The following CROCC variants were observed in gnomAD, a reference collection of about 807,000 sequenced individuals.
The protein encoded by CROCC is rootletin.
A neutral mutation model predicts 245.2 loss-of-function variants in CROCC; 180 were observed. That is an observed-to-expected ratio of 0.73 (90% CI 0.65 to 0.83). The LOEUF (loss-of-function observed/expected upper bound fraction) is 0.83. CROCC is among the 40% of genes least tolerant of loss of function. The pLI is 0.00. For missense variants in CROCC, 2,688 were observed against 2,779.4 expected (o/e 0.97, Z 0.74); for synonymous variants, 1,205 against 1,241.6 (o/e 0.97, Z 0.62).
chr1:16,938,798 A>C, intron 11 of CROCC, 111 bp from the exon 12 acceptor site: 1 of 1,080,974 alleles, frequency 9.3e-7, no homozygotes, highest in Non-Finnish European at 1.4e-6. Flanking sequence ...TTCTTGTAAG[A>C]GGCAGCATTT....
In CROCC at chr1:16,953,290, C is replaced by T. The variant is rs767393430; in HGVS notation, c.3007-12C>T. 5 of 1,570,280 alleles carry T rather than the reference C, an allele frequency of 3.2e-6. No individual in the cohort carries two copies. Among genetic ancestry groups the T allele is most frequent in the Middle Eastern group, 2.3e-4 (1 of 4,384 alleles). ...CCTGGTGTGTCACAGGCATCCGGTCCTGGCCCCCTAGGAGGCAGCATGGCG... is the reference window on the plus strand; with the variant it reads ...CCTGGTGTGTCACAGGCATCCGGTCTTGGCCCCCTAGGAGGCAGCATGGCG... On this transcript the variant is annotated splice_polypyrimidine_tract_variant and intron_variant, in intron 20 of 36. Coordinates refer to ENST00000375541, the MANE Select transcript of CROCC (RefSeq NM_014675.5).
chr1:16,931,478 T>C (rs1321762255), intron 8 of CROCC, 81 bp downstream of exon 8: 32 of 1,344,762 alleles, frequency 2.4e-5, no homozygotes, highest in Admixed American at 6.9e-5. Flanking sequence ...TGAATTTCAG[T>C]TCAACTCAAC....
intron 20 of CROCC, 31 bp from the exon 21 acceptor site, chr1:16,953,271 G>A (rs1459540640): frequency 2.6e-6 from 4 of 1,549,902 alleles, no homozygotes; most frequent in East Asian, 2.4e-5. Context: ...CCCTCCTGGT[G>A]TGTCACAGGC....
At chr1:16,918,456 G>A (rs1365314791), upstream of CROCC, among the ~76,000 whole-genome samples, 12 of 152,228 alleles carry the variant, frequency 7.9e-5, no homozygotes, top group African/African-American at 2.9e-4. Context: ...TGGTGCCAGG[G>A]GCTGACATCC....
intron 13 of CROCC, among the ~76,000 whole-genome samples, chr1:16,942,625 G>A (rs1406743913): frequency 1.6e-4 from 24 of 152,266 alleles, no homozygotes; most frequent in Non-Finnish European, 1.2e-4. Flanking sequence ...GAACTCTGTT[G>A]TTGTAAGCTT....
chr1:16,930,210 G>GGGT lies in CROCC; in HGVS notation c.621+5_621+7dup. ...AGCTGGAGCAGCAGCGGCTGAGGGTGGGTGCCAGTGTGGGGCAGGGGCAGG... is the reference window on the plus strand; with the variant it reads ...AGCTGGAGCAGCAGCGGCTGAGGGTGGGTGGTGCCAGTGTGGGGCAGGGGCAGG... On this transcript the variant is annotated splice_donor_region_variant and intron_variant, in intron 5 of 36. Transcript: ENST00000375541. 1 of 1,588,826 alleles carries GGGT rather than the reference G, an allele frequency of 6.3e-7. No homozygotes were observed. Among genetic ancestry groups the GGGT allele is most frequent in the East Asian group, 2.3e-5 (1 of 43,784 alleles).
At chr1:16,940,410 A>G (rs2075904204) in intron 13 of CROCC, among the ~76,000 whole-genome samples, 3 of 148,040 alleles carry the variant, frequency 2.0e-5, no homozygotes, top group Admixed American at 1.3e-4. Flanking sequence ...TTTTTTTGAG[A>G]CGGAGTTTCA....
rs573181155 is a variant in CROCC, at chr1:16,923,923, C to A, written c.197-402C>A. ...CTCAAACTCCTGACCTCAGGTGATC[C>A]TCCTATCTCGACTCCCAAAGTGCTG... On this transcript the variant is annotated intron_variant, in intron 2 of 36. Coordinates refer to ENST00000375541, the MANE Select transcript of CROCC (RefSeq NM_014675.5). Among the ~76,000 whole-genome samples the A allele has an allele frequency of 5.9e-5, 9 of 152,378 alleles. No individual in the cohort carries two copies. The South Asian group carries it at 1.9e-3, about 32-fold the overall frequency.
At position 16,931,341 on chromosome 1, in the gene CROCC, G is replaced by A. The variant is rs1432085063; in HGVS notation, c.900G>A (p.Trp300Ter). The change falls in exon 8 of 37, where the codon TGG (tryptophan) becomes TGA (stop). Residue 300 changes from tryptophan (W) to a stop codon, truncating the protein, a stop_gained. Coordinates refer to ENST00000375541, the MANE Select transcript of CROCC (RefSeq NM_014675.5). LOFTEE classifies it high-confidence loss of function. ...SNEHSRLLLL[W>*]RQVVGFRRLV... Reference sequence around the variant, plus strand: ...AGCACAGTCGCCTGCTCCTCCTCTGGAGGCAGGTGGTGGGGTTCCGGCGGC... The same window carrying A: ...AGCACAGTCGCCTGCTCCTCCTCTGAAGGCAGGTGGTGGGGTTCCGGCGGC... 6.2e-7 allele frequency: 1 copy of A among 1,612,806 alleles called. No individual in the cohort carries two copies.
At position 16,938,970 on chromosome 1, in the gene CROCC, C is replaced by T. The variant is rs746336217; in HGVS notation, c.1436C>T (p.Ala479Val). The change falls in exon 12 of 37, where the codon GCT becomes GTT. Residue 479 changes from alanine (A) to valine (V), a missense_variant. By Grantham distance (64) the Ala-to-Val change is moderately conservative (BLOSUM62 0). This residue lies in a region of CROCC where 972 missense variants were observed against 895.3 expected (regional missense o/e 1.09). Transcript: ENST00000375541. ...AGCGGCTCTGAGCGCACCGCGGATG[C>T]TTCCAACGGCAGCCTGCGGGGGCTC... ...QLSGSERTAD[A>V]SNGSLRGLSG... The T allele has an allele frequency of 1.2e-6, 2 of 1,604,964 alleles. No individual in the cohort carries two copies. The highest frequency in any genetic ancestry group is 1.1e-5 in the South Asian group (1 of 89,866).
At position 16,945,620 on chromosome 1, in the gene CROCC, T is replaced by G. The variant is rs1156773164; in HGVS notation, c.2136+14T>G. ...GCGCTGACCAAGGTGGGTCCCTGTC[T>G]GCTGCACAACCACAAACCTACCTCT... On this transcript the variant is annotated intron_variant, in intron 15 of 36. Transcript: ENST00000375541. 2 of 1,610,928 alleles carry G rather than the reference T, an allele frequency of 1.2e-6. No homozygotes were observed. Among genetic ancestry groups the G allele is most frequent in the African/African-American group, 1.3e-5 (1 of 74,936 alleles).
chr1:16,933,521 A>G (rs1199934701), intron 8 of CROCC, among the ~76,000 whole-genome samples: 1 of 152,238 alleles, frequency 6.6e-6, no homozygotes, highest in Non-Finnish European at 1.5e-5. Context: ...AATTTGTTTG[A>G]ATCTCGATCC....
intron 3 of CROCC, among the ~76,000 whole-genome samples, chr1:16,927,557 G>A (rs1249737636): frequency 3.3e-5 from 5 of 152,256 alleles, no homozygotes; most frequent in African/African-American, 4.8e-5. Flanking sequence ...CACAGATGCC[G>A]CCTTAGCCGT....
chr1:16,916,407 C>T (rs2100284633), intron 1 of CROCC, among the ~76,000 whole-genome samples: 1 of 152,402 alleles, frequency 6.6e-6, no homozygotes, highest in African/African-American at 2.4e-5. Flanking sequence ...CCTCGGGGAG[C>T]CATCTCAGCA....
chr1:16,964,769 G>A (rs1295427427), intron 27 of CROCC, among the ~76,000 whole-genome samples: 1 of 152,144 alleles, frequency 6.6e-6, no homozygotes, highest in Non-Finnish European at 1.5e-5. Flanking sequence ...TGCGAGCTCC[G>A]CTTCCCGGGT....
At chr1:16,957,790 A>G (rs1175077276) in intron 25 of CROCC, among the ~76,000 whole-genome samples, 1 of 152,178 alleles carries the variant, frequency 6.6e-6, no homozygotes, top group East Asian at 1.9e-4. Flanking sequence ...ATTACAAAAA[A>G]AGAGATCACA....
chr1:16,938,789 T>G (rs1220258840), intron 11 of CROCC, 120 bp from the exon 12 acceptor site: 38 of 1,024,842 alleles, frequency 3.7e-5, no homozygotes, highest in Non-Finnish European at 5.2e-5. Flanking sequence ...CAGGAAGGCT[T>G]CTTGTAAGAG....
intron 35 of CROCC, chr1:16,971,026 C>T (rs766580901): frequency 2.2e-5 from 10 of 455,484 alleles, no homozygotes; most frequent in Non-Finnish European, 3.1e-5. Context: ...ATCCATGTGA[C>T]GATTCTTGTG....
chr1:16,939,232 C>T, intron 12 of CROCC, 90 bp downstream of exon 12: 1 of 967,664 alleles, frequency 1.0e-6, no homozygotes, highest in East Asian at 3.3e-5. Flanking sequence ...GGGGGCAGGT[C>T]CGGGGCCAGG....
Sources: allele counts gnomAD v4.1 joint callset (sites outside exome capture counted in the v4.1 genomes callset), GRCh38; gene constraint gnomAD v4.1.1; regional missense constraint gnomAD v4.1.1; transcripts MANE v1.5; gene names NCBI Gene and HGNC (gene_info 2026-07-23, HGNC 2026-07-21).